The following CACNG7 variants were observed in gnomAD, a reference collection of about 807,000 sequenced individuals.
The protein encoded by CACNG7 is voltage-dependent calcium channel gamma-7 subunit.
CACNG7 carries 9 observed loss-of-function variants against 26.3 expected under a neutral mutation model. The ratio of observed to expected loss-of-function variants is 0.34; its 90% CI spans 0.21 to 0.60. The LOEUF (loss-of-function observed/expected upper bound fraction) is 0.60. CACNG7 is among the 20% of genes least tolerant of loss of function. The pLI is 0.81. For synonymous variants in CACNG7, 170 were observed against 157.0 expected (o/e 1.08, Z -0.62); for missense variants, 297 against 380.4 (o/e 0.78, Z 1.82).
chr19:53,941,621 G>T lies in CACNG7; in HGVS notation c.570+6G>T. 1.2e-6 allele frequency: 2 copies of T among 1,610,898 alleles called. No individual in the cohort carries two copies. The highest frequency in any genetic ancestry group is 1.3e-5 in the African/African-American group (1 of 74,808). ...CCTCCTTCCTACTCAAAGAGGTGAC[G>T]TCCGTGGGACCTAGACTCTAGAGTT... On this transcript the variant is annotated splice_donor_region_variant and intron_variant, in intron 5 of 5. Coordinates refer to ENST00000391767, the MANE Select transcript of CACNG7 (RefSeq NM_031896.5).
intron 4 of CACNG7, 28 bp from the exon 5 acceptor site, chr19:53,941,442 G>C (rs2145921450): frequency 6.7e-7 from 1 of 1,502,500 alleles, no homozygotes; most frequent in East Asian, 2.6e-5. Context: ...ACTTCTAATG[G>C]ACGAGGGCAC....
intron 4 of CACNG7, among the ~76,000 whole-genome samples, chr19:53,928,516 C>T (rs1459271369): frequency 6.6e-6 from 1 of 152,010 alleles, no homozygotes; most frequent in East Asian, 1.9e-4. Flanking sequence ...CTCAAGTGAT[C>T]TGCCCACCTC....
rs2069154497 is a variant in CACNG7, at chr19:53,943,816, A to ATTC, written c.*1524_*1525insTCT. 5.3e-5 allele frequency: 8 copies of ATTC among 152,106 alleles called. No homozygotes were observed. Among genetic ancestry groups the ATTC allele is most frequent in the Non-Finnish European group, 2.9e-5 (2 of 68,016 alleles). The allele number at this position is 152,106 out of a possible 1,614,324, so 9.4% of individuals were successfully genotyped here. A position where few individuals can be genotyped will look rare whatever the true frequency, so the allele number is the denominator to read the frequency against. ...CTAAAGTACTGCAGAATGACGTTAG[A>ATTC]TGGGTCGTTGTTAAATGACTTAATC... is the stretch of plus-strand genomic sequence containing the variant. On this transcript the variant is annotated 3_prime_UTR_variant, in exon 6 of 6. Coordinates refer to ENST00000391767, the MANE Select transcript of CACNG7 (RefSeq NM_031896.5).
chr19:53,936,917 T>C (rs1308347243), intron 4 of CACNG7, among the ~76,000 whole-genome samples: 5 of 151,946 alleles, frequency 3.3e-5, no homozygotes, highest in Admixed American at 6.6e-5. Flanking sequence ...CCTAACTTAA[T>C]TGAGTTTTTT....
At chr19:53,931,044 A>G (rs2069068426) in intron 4 of CACNG7, among the ~76,000 whole-genome samples, 1 of 151,982 alleles carries the variant, frequency 6.6e-6, no homozygotes, top group Non-Finnish European at 1.5e-5. Context: ...AAAATTACCA[A>G]AAGTCAGCCA....
At chr19:53,941,137 C>CTG (rs2069135013) in intron 4 of CACNG7, among the ~76,000 whole-genome samples, 2 of 152,148 alleles carry the variant, frequency 1.3e-5, no homozygotes, top group African/African-American at 4.8e-5. Flanking sequence ...GCCCCTGCCC[C>CTG]AGGCAGGTTT....
chr19:53,910,066 C>T (rs1285979125), intron 1 of CACNG7, among the ~76,000 whole-genome samples: 1 of 151,996 alleles, frequency 6.6e-6, no homozygotes, highest in Non-Finnish European at 1.5e-5. Context: ...CTGGGCGGGC[C>T]AGTGAGAGGG....
intron 4 of CACNG7, among the ~76,000 whole-genome samples, chr19:53,924,014 G>T (rs963371343): frequency 6.9e-6 from 1 of 144,594 alleles, no homozygotes; most frequent in Non-Finnish European, 1.5e-5. Context: ...GTTGTCCCCA[G>T]GCCTGGTCAT....
chr19:53,910,345 G>A (rs1201817313), intron 1 of CACNG7, among the ~76,000 whole-genome samples: 2 of 149,392 alleles, frequency 1.3e-5, no homozygotes, highest in African/African-American at 2.5e-5. Context: ...TCCGGATCTC[G>A]GAGGCCTCCA....
intron 4 of CACNG7, among the ~76,000 whole-genome samples, chr19:53,920,476 G>C (rs2068935255): frequency 1.8e-5 from 1 of 56,932 alleles, no homozygotes; most frequent in East Asian, 3.8e-4. Flanking sequence ...TCTGGTCATT[G>C]GTGGAGTTGC....
intron 4 of CACNG7, among the ~76,000 whole-genome samples, chr19:53,925,949 T>C (rs1338734040): frequency 6.6e-6 from 1 of 152,174 alleles, no homozygotes; most frequent in African/African-American, 2.4e-5. Context: ...CATTGGTTTT[T>C]TTCCAGGTCA....
At chr19:53,927,928 C>T (rs112891283) in intron 4 of CACNG7, among the ~76,000 whole-genome samples, 111 of 151,918 alleles carry the variant, frequency 7.3e-4, no homozygotes, top group African/African-American at 2.3e-3. Flanking sequence ...AACCCAGTTG[C>T]TCTCAAGTCA....
intron 4 of CACNG7, among the ~76,000 whole-genome samples, chr19:53,933,876 G>T (rs996002501): frequency 3.7e-4 from 56 of 151,810 alleles, no homozygotes; most frequent in African/African-American, 1.3e-3. Flanking sequence ...TGCATCTTGG[G>T]TTTATTGTTT....
At chr19:53,933,788 C>G in intron 4 of CACNG7, among the ~76,000 whole-genome samples, 1 of 151,602 alleles carries the variant, frequency 6.6e-6, no homozygotes, top group South Asian at 2.1e-4. Flanking sequence ...GAGTTGATCA[C>G]TGGTTTGAGT....
intron 4 of CACNG7, among the ~76,000 whole-genome samples, 153 bp from the exon 5 acceptor site, chr19:53,941,317 C>A (rs565288471): frequency 1.3e-5 from 2 of 152,042 alleles, no homozygotes; most frequent in Non-Finnish European, 2.9e-5. Flanking sequence ...CATCTCTGGG[C>A]TCCCTGCACC....
chr19:53,922,443 A>G (rs1257217943), intron 4 of CACNG7, among the ~76,000 whole-genome samples: 7 of 93,408 alleles, frequency 7.5e-5, no homozygotes, highest in East Asian at 3.5e-4. Context: ...TCATTGGTGG[A>G]GTTGTCCCAG....
chr19:53,921,550 T>C (rs1599976769), intron 4 of CACNG7, among the ~76,000 whole-genome samples: 5 of 127,662 alleles, frequency 3.9e-5, no homozygotes, highest in South Asian at 2.5e-4. Context: ...ATTGGTGGAG[T>C]TGCCCCAGGC....
At position 53,939,241 on chromosome 19, in the gene CACNG7, G is replaced by C. The variant is rs187936060; in HGVS notation, c.425-2229G>C. Among the ~76,000 whole-genome samples, 1 of 152,196 alleles carries C rather than the reference G, an allele frequency of 6.6e-6. No homozygotes were observed. Among genetic ancestry groups the C allele is most frequent in the African/African-American group, 2.4e-5 (1 of 41,460 alleles). On this transcript the variant is annotated intron_variant, in intron 4 of 5. Transcript: ENST00000391767. The surrounding 1 kb of genome is among the most constrained non-coding windows in gnomAD (Gnocchi z 4.2). The stretch of plus-strand genomic sequence containing the variant: ...CCACTACACTCCAGCCTAGGTGACA[G>C]AGCAAGAATCTGTCTCAAAAAATTC...
intron 4 of CACNG7, among the ~76,000 whole-genome samples, chr19:53,916,568 A>C (rs1232322450): frequency 7.0e-6 from 1 of 141,922 alleles, no homozygotes; most frequent in Non-Finnish European, 1.5e-5. Context: ...AGCTCACCAC[A>C]ACCTCTGCCT....
Sources: gnomAD v4.1 joint callset for allele counts (sites outside exome capture counted in the v4.1 genomes callset) on GRCh38, gnomAD v4.1.1 for gene constraint, Gnocchi (gnomAD v3.1) non-coding constraint, MANE v1.5 for transcripts, NCBI Gene and HGNC (gene_info 2026-07-23, HGNC 2026-07-21) for gene names.